POLR2F: variants seen among roughly 807,000 people sequenced by gnomAD.
POLR2F encodes the protein DNA-directed RNA polymerases I, II, and III subunit RPABC2.
In POLR2F, 12 loss-of-function variants were observed where a neutral mutation model predicts 22.7. That is an observed-to-expected ratio of 0.53 (90% CI 0.34 to 0.86). The LOEUF is 0.86. Ranked by LOEUF, POLR2F falls within the 40% of genes least tolerant of loss-of-function variation. The pLI, the probability that POLR2F is intolerant of heterozygous loss-of-function variation, is 0.02. For missense variants in POLR2F, 126 were observed against 171.5 expected (o/e 0.73, Z 1.48); for synonymous variants, 57 against 66.0 (o/e 0.86, Z 0.66).
chr22:38,041,207 G>A, downstream of POLR2F: 3 of 1,575,792 alleles, frequency 1.9e-6, no homozygotes, highest in East Asian at 6.7e-5. Flanking sequence ...CCAGGGAAGG[G>A]ATGTGAGGAC....
chr22:37,983,330 G>C, upstream of POLR2F: 1 of 1,591,136 alleles, frequency 6.3e-7, no homozygotes, highest in Admixed American at 1.8e-5. The surrounding 1 kb of genome is among the most constrained non-coding windows in gnomAD (Gnocchi z 9.5). Flanking sequence ...TAGAGGGCCC[G>C]AGCCCGGGGG....
At chr22:37,963,367 C>T (rs144781732) in intron 3 of POLR2F, among the ~76,000 whole-genome samples, 1 of 152,330 alleles carries the variant, frequency 6.6e-6, no homozygotes, top group African/African-American at 2.4e-5. Context: ...TAGCTCACTG[C>T]AGCCTCAAAA....
intron 1 of POLR2F, among the ~76,000 whole-genome samples, chr22:37,954,279 A>T (rs1301720541): frequency 2.0e-5 from 3 of 152,022 alleles, no homozygotes; most frequent in Non-Finnish European, 4.4e-5. Flanking sequence ...GCATTAAATA[A>T]AAGTCTGGGA....
intron 1 of POLR2F, among the ~76,000 whole-genome samples, chr22:38,009,136 G>A (rs986849207): frequency 6.6e-6 from 1 of 152,232 alleles, no homozygotes; most frequent in Admixed American, 6.5e-5. Context: ...CAGCCAGGAG[G>A]CCAGTGCAGC....
At chr22:37,983,561 G>A, upstream of POLR2F, 1 of 1,610,354 alleles carries the variant, frequency 6.2e-7, no homozygotes, top group Non-Finnish European at 8.5e-7. The surrounding 1 kb of genome is among the most constrained non-coding windows in gnomAD (Gnocchi z 9.5). Flanking sequence ...CTGGCTGACG[G>A]CCTCGCGGAT....
upstream of POLR2F, among the ~76,000 whole-genome samples, chr22:37,982,061 G>A (rs1177871576): frequency 2.6e-5 from 4 of 152,228 alleles, no homozygotes; most frequent in Non-Finnish European, 5.9e-5. Context: ...CAGCGGAAGA[G>A]AGCCGGGCTC....
chr22:37,967,789 T>C lies in POLR2F; in HGVS notation c.*74T>C, dbSNP rs1459802385. 8 of 1,537,826 alleles carry C rather than the reference T, an allele frequency of 5.2e-6. No homozygotes were observed. Among genetic ancestry groups the C allele is most frequent in the Admixed American group, 4.2e-5 (2 of 47,600 alleles). Reference sequence around the variant, plus strand: ...CTTTATATGTGTAAATAATAAAATATTCAACTTTCCAACCCCCTTCCCCTC... The same window carrying C: ...CTTTATATGTGTAAATAATAAAATACTCAACTTTCCAACCCCCTTCCCCTC... On this transcript the variant is annotated 3_prime_UTR_variant, in exon 5 of 5. Transcript: ENST00000442738.
Position 37,978,039 on chromosome 22 carries a change from G to C in POLR2F, c.293+10869G>C, listed in dbSNP as rs764460100. On this transcript the variant is annotated intron_variant, in intron 4 of 4. Coordinates refer to the POLR2F transcript ENST00000405557. This position sits in a 1 kb window ranked among gnomAD's most constrained non-coding sequence, Gnocchi z 5.0. Reference sequence around the variant, plus strand: ...CGGCCTTCCCGTTCTTCCGCCGCCTGGGCTGGTACTTGTAGTCCGGGTGGT... The same window carrying C: ...CGGCCTTCCCGTTCTTCCGCCGCCTCGGCTGGTACTTGTAGTCCGGGTGGT... 2 of 1,611,332 alleles carry C rather than the reference G, an allele frequency of 1.2e-6. No individual in the cohort carries two copies. Among genetic ancestry groups the C allele is most frequent in the South Asian group, 2.2e-5 (2 of 90,848 alleles).
rs184038173 is a variant in POLR2F, at chr22:37,963,775, C to T, written c.222-3324C>T. ...CTTTCAGCACTGAAGAAAGATACTG[C>T]ATTAGCACTTGATAGGATGCTGAGA... On this transcript the variant is annotated intron_variant, in intron 3 of 4. Transcript: ENST00000442738. Among the ~76,000 whole-genome samples the T allele has an allele frequency of 5.3e-5, 8 of 152,298 alleles. No homozygotes were observed. The East Asian group carries it at 1.2e-3, about 22-fold the overall frequency.
intron 4 of POLR2F, among the ~76,000 whole-genome samples, chr22:37,976,367 C>T (rs1382959979): frequency 6.6e-6 from 1 of 152,178 alleles, no homozygotes; most frequent in Non-Finnish European, 1.5e-5. Context: ...AGCTTTGTTT[C>T]TTCCTGTACT....
intron 1 of POLR2F, among the ~76,000 whole-genome samples, chr22:38,009,802 C>T (rs2084855682): frequency 6.6e-6 from 1 of 152,172 alleles, no homozygotes; most frequent in Non-Finnish European, 1.5e-5. Flanking sequence ...GCTTCTGTCA[C>T]TCAGCATAAT....
intron 1 of POLR2F, among the ~76,000 whole-genome samples, chr22:38,021,606 G>A (rs897662932): frequency 6.6e-6 from 1 of 152,002 alleles, no homozygotes; most frequent in Non-Finnish European, 1.5e-5. Context: ...ACAGGCACGC[G>A]CCACCATGCC....
At position 37,968,720 on chromosome 22, in the gene POLR2F, C is replaced by T; in HGVS notation, c.*1005C>T. On this transcript the variant is annotated 3_prime_UTR_variant, in exon 5 of 5. Transcript: ENST00000442738. The stretch of plus-strand genomic sequence containing the variant: ...AAACTGGCTCCCTGAATATGCCAGC[C>T]TTAACCTCCATTCCACTGCCAGCTC... 1.0e-6 allele frequency: 1 copy of T among 985,454 alleles called. No individual in the cohort carries two copies. Among genetic ancestry groups the T allele is most frequent in the Non-Finnish European group, 1.2e-6 (1 of 829,952 alleles). The allele number at this position is 985,454 out of a possible 1,614,324, so 61.0% of individuals were successfully genotyped here.
rs1440707884 is a variant in POLR2F at position 37,978,828 on chromosome 22, G to A, written c.293+11658G>A. Among the ~76,000 whole-genome samples the A allele has an allele frequency of 6.6e-6, 1 of 151,994 alleles. No individual in the cohort carries two copies. The highest frequency in any genetic ancestry group is 1.5e-5 in the Non-Finnish European group (1 of 68,004). ...ATCTCACTCTGTCACCCATGCTAGAGCTCAGTGGTATGATCTCAGCTCACT... is the reference window on the plus strand; with the variant it reads ...ATCTCACTCTGTCACCCATGCTAGAACTCAGTGGTATGATCTCAGCTCACT... On this transcript the variant is annotated intron_variant, in intron 4 of 4. Transcript: ENST00000405557. This position sits in a 1 kb window ranked among gnomAD's most constrained non-coding sequence, Gnocchi z 5.0.
At chr22:38,025,142 G>A (rs560290435) in intron 1 of POLR2F, among the ~76,000 whole-genome samples, 2 of 152,224 alleles carry the variant, frequency 1.3e-5, no homozygotes, top group South Asian at 2.1e-4. Context: ...AGCTTGGCCT[G>A]TTCATATATT....
chr22:37,973,382 TTCAGCCTCC>T (rs894896764), downstream of POLR2F: 12 of 731,306 alleles, frequency 1.6e-5, no homozygotes, highest in African/African-American at 1.1e-4. Context: ...TGTCAGCCTC[TTCAGCCTCC>T]TCAGCCTCCT....
At position 37,967,836 on chromosome 22, in the gene POLR2F, C is replaced by G. The variant is rs1292222438; in HGVS notation, c.*121C>G. ...CCTCTGCTTATCTGCAATGTCACCACCTGTTGCTTCCCCGTTACCGCCATG... is the reference window on the plus strand; with the variant it reads ...CCTCTGCTTATCTGCAATGTCACCAGCTGTTGCTTCCCCGTTACCGCCATG... On this transcript the variant is annotated 3_prime_UTR_variant, in exon 5 of 5. Coordinates refer to ENST00000442738, the MANE Select transcript of POLR2F (RefSeq NM_021974.5). 2.8e-6 allele frequency: 4 copies of G among 1,443,840 alleles called. No individual in the cohort carries two copies. The South Asian group carries it at 5.8e-5, about 21-fold the overall frequency. The allele number at this position is 1,443,840 out of a possible 1,614,324, so 89.4% of individuals were successfully genotyped here.
intron 1 of POLR2F, chr22:38,025,677 C>A (rs778697013): frequency 1.3e-6 from 2 of 1,553,054 alleles, no homozygotes; most frequent in Non-Finnish European, 1.7e-6. Flanking sequence ...CTTCTCCCGA[C>A]AGTCCTGCTG....
downstream of POLR2F, chr22:37,972,351 G>C (rs1932085619): frequency 5.8e-6 from 4 of 692,382 alleles, no homozygotes; most frequent in African/African-American, 1.9e-5. Context: ...AATGCTTAAT[G>C]CAGAGTTAAT....
Sources: allele counts gnomAD v4.1 joint callset (sites outside exome capture counted in the v4.1 genomes callset), GRCh38; gene constraint gnomAD v4.1.1; non-coding constraint Gnocchi (gnomAD v3.1); transcripts MANE v1.5; gene names NCBI Gene and HGNC (gene_info 2026-07-23, HGNC 2026-07-21).